Variants in ARHGAP8 observed in about 807,000 individuals in gnomAD.
ARHGAP8 encodes rho GTPase-activating protein 8.
Under a neutral mutation model 46.1 loss-of-function variants are expected in ARHGAP8, and 62 were observed. The ratio of observed to expected loss-of-function variants is 1.34; its 90% CI spans 1.10 to 1.66. The LOEUF (loss-of-function observed/expected upper bound fraction) is 1.66. ARHGAP8 is among the 40% of genes most tolerant of loss of function. The pLI is 0.00. For synonymous variants in ARHGAP8, 375 were observed against 243.1 expected (o/e 1.54, Z -5.05); for missense variants, 923 against 568.4 (o/e 1.62, Z -6.34).
chr22:44,848,158 C>T (rs1368139209), intron 9 of ARHGAP8, 108 bp downstream of exon 9: 1 of 1,468,686 alleles, frequency 6.8e-7, no homozygotes, highest in African/African-American at 1.4e-5. Flanking sequence ...ACCCACCCAA[C>T]TCCCAGAAAA....
intron 1 of ARHGAP8, among the ~76,000 whole-genome samples, chr22:44,773,248 G>A (rs1202107806): frequency 6.6e-6 from 1 of 152,190 alleles, no homozygotes; most frequent in African/African-American, 2.4e-5. Flanking sequence ...ATTGTTGAAT[G>A]TATTGTCATA....
At chr22:44,844,753 G>A (rs1015522062) in intron 7 of ARHGAP8, among the ~76,000 whole-genome samples, 15 of 152,284 alleles carry the variant, frequency 9.9e-5, no homozygotes, top group African/African-American at 2.4e-4. Flanking sequence ...GTGTGCCACC[G>A]CACCTGGCCA....
chr22:44,837,368 G>A (rs1931358321), intron 7 of ARHGAP8, among the ~76,000 whole-genome samples: 1 of 152,238 alleles, frequency 6.6e-6, no homozygotes, highest in Non-Finnish European at 1.5e-5. Context: ...AAAGCCAGGT[G>A]GGAGTCACTG....
At chr22:44,855,774 G>A (rs1034529816) in intron 10 of ARHGAP8, among the ~76,000 whole-genome samples, 2 of 152,116 alleles carry the variant, frequency 1.3e-5, no homozygotes, top group African/African-American at 4.8e-5. Flanking sequence ...AAAGACAAGC[G>A]CCCTCAGAGC....
At chr22:44,836,262 C>T (rs1931279728) in intron 7 of ARHGAP8, among the ~76,000 whole-genome samples, 2 of 151,720 alleles carry the variant, frequency 1.3e-5, no homozygotes, top group Non-Finnish European at 2.9e-5. Context: ...GACAGGGTCT[C>T]ACTATGTTGC....
At chr22:44,766,454 C>T (rs1186722149) in intron 1 of ARHGAP8, among the ~76,000 whole-genome samples, 2 of 151,340 alleles carry the variant, frequency 1.3e-5, no homozygotes, top group Admixed American at 6.6e-5. Flanking sequence ...ATATGTGTGT[C>T]TCTGTGTACG....
intron 1 of ARHGAP8, among the ~76,000 whole-genome samples, chr22:44,770,434 C>T (rs539341818): frequency 6.6e-6 from 1 of 150,834 alleles, no homozygotes; most frequent in Admixed American, 6.6e-5. Context: ...GAGACAGTGT[C>T]TCTCTGTATC....
At chr22:44,856,432 C>A (rs1476157717) in intron 10 of ARHGAP8, among the ~76,000 whole-genome samples, 1 of 152,054 alleles carries the variant, frequency 6.6e-6, no homozygotes, top group East Asian at 1.9e-4. Flanking sequence ...CGCCACCACG[C>A]CTGGCTAATT....
intron 5 of ARHGAP8, among the ~76,000 whole-genome samples, chr22:44,816,368 G>A (rs1929742699): frequency 6.6e-6 from 1 of 152,114 alleles, no homozygotes; most frequent in Non-Finnish European, 1.5e-5. Context: ...GACAGCTCAG[G>A]CTCTCAGGCA....
chr22:44,859,674 A>G (rs749171363), intron 10 of ARHGAP8, 57 bp from the exon 11 acceptor site: 14 of 1,587,928 alleles, frequency 8.8e-6, no homozygotes, highest in Middle Eastern at 1.7e-4. Context: ...CCGGGCCGGG[A>G]TGCAGCGCTG....
chr22:44,839,376 G>T (rs1200230658), intron 7 of ARHGAP8, among the ~76,000 whole-genome samples: 1 of 151,328 alleles, frequency 6.6e-6, no homozygotes, highest in Non-Finnish European at 1.5e-5. Flanking sequence ...CACCCATCGA[G>T]ATTGGATATG....
At chr22:44,820,172 G>A (rs974375440) in intron 5 of ARHGAP8, among the ~76,000 whole-genome samples, 21 of 152,242 alleles carry the variant, frequency 1.4e-4, no homozygotes. Flanking sequence ...GCCGCACGCC[G>A]TGTTGGGAGC....
chr22:44,858,749 T>TG (rs72130588), intron 10 of ARHGAP8, among the ~76,000 whole-genome samples: 33,001 of 136,438 alleles, frequency 0.24, 5,599 homozygotes, highest in Non-Finnish European at 0.28. Flanking sequence ...GGTCTCAGAG[T>TG]GGGGGCCAGT....
intron 1 of ARHGAP8, among the ~76,000 whole-genome samples, chr22:44,755,577 G>A (rs1172271825): frequency 1.3e-5 from 2 of 152,200 alleles, no homozygotes; most frequent in Admixed American, 6.5e-5. Context: ...AGGAGAGCGC[G>A]CTGCTCCGGA....
intron 4 of ARHGAP8, among the ~76,000 whole-genome samples, chr22:44,811,689 G>A (rs1414694068): frequency 6.6e-6 from 1 of 152,156 alleles, no homozygotes; most frequent in South Asian, 2.1e-4. Flanking sequence ...GTTCCCCATC[G>A]CTAGAGGTAT....
Position 44,828,858 on chromosome 22 carries a change from G to A in ARHGAP8, c.596+3265G>A, listed in dbSNP as rs540535594. Among the ~76,000 whole-genome samples the A allele has an allele frequency of 1.3e-4, 20 of 152,236 alleles. No individual in the cohort carries two copies. The South Asian group carries it at 2.7e-3, about 20-fold the overall frequency. ...TGGGCTGATACTGCTTCCATGTGCTGTGGCACACAGGGTCCCAGGGGTGGG... is the reference window on the plus strand; with the variant it reads ...TGGGCTGATACTGCTTCCATGTGCTATGGCACACAGGGTCCCAGGGGTGGG... On this transcript the variant is annotated intron_variant, in intron 7 of 11. Transcript: ENST00000356099.
At chr22:44,831,169 G>A (rs1295232886) in intron 7 of ARHGAP8, among the ~76,000 whole-genome samples, 4 of 152,166 alleles carry the variant, frequency 2.6e-5, no homozygotes, top group Admixed American at 2.0e-4. Context: ...ACATTTTGAT[G>A]AAGTCCAATT....
rs952869605 is a variant in ARHGAP8 at position 44,856,799 on chromosome 22, G to A, written c.878-2932G>A. Among the ~76,000 whole-genome samples, 13 of 144,196 alleles carry A rather than the reference G, an allele frequency of 9.0e-5. 2 individuals carry two copies. The highest frequency in any genetic ancestry group is 1.7e-4 in the African/African-American group (6 of 35,904). 94.6% of individuals were successfully genotyped at this position (144,196 alleles called of 152,430 possible). A position where few individuals can be genotyped will look rare whatever the true frequency, so the allele number is the denominator to read the frequency against. On this transcript the variant is annotated intron_variant, in intron 10 of 11. Coordinates refer to ENST00000356099, the MANE Select transcript of ARHGAP8 (RefSeq NM_181335.3). ...CCGAGGACTCCTCGAGATCAGATGC[G>A]CTGAAGTCAAAACCAAAGAACCCAT...
At chr22:44,756,735 A>C (rs926836826) in intron 1 of ARHGAP8, among the ~76,000 whole-genome samples, 6 of 151,946 alleles carry the variant, frequency 3.9e-5, no homozygotes, top group African/African-American at 1.5e-4. Context: ...CTTTTCTAAA[A>C]AATTATTTTT....
Sources: allele counts gnomAD v4.1 joint callset (sites outside exome capture counted in the v4.1 genomes callset), GRCh38; gene constraint gnomAD v4.1.1; transcripts MANE v1.5; gene names NCBI Gene and HGNC (gene_info 2026-07-23, HGNC 2026-07-21).